Variants in LDAH observed in about 807,000 individuals in gnomAD.
The protein encoded by LDAH is lipid droplet-associated hydrolase.
LDAH carries 26 observed loss-of-function variants against 29.6 expected under a neutral mutation model. The ratio of observed to expected loss-of-function variants is 0.88; its 90% CI spans 0.64 to 1.22. The LOEUF is 1.22. Ranked by LOEUF, LDAH falls within the 50% of genes most tolerant of loss-of-function variation. The probability of loss-of-function intolerance (pLI) is 0.00; values close to 1 mark genes in which losing one functional copy is unlikely to be tolerated. For missense variants in LDAH, 344 were observed against 387.3 expected (o/e 0.89, Z 0.94); for synonymous variants, 117 against 133.0 (o/e 0.88, Z 0.83).
chr2:20,720,798 T>G (rs746048252), intron 5 of LDAH, among the ~76,000 whole-genome samples: 1 of 152,102 alleles, frequency 6.6e-6, no homozygotes, highest in Non-Finnish European at 1.5e-5. Context: ...CACAGACCAA[T>G]GGAATGTAAT....
chr2:20,764,605 C>A (rs998588120), intron 4 of LDAH, among the ~76,000 whole-genome samples: 78 of 152,346 alleles, frequency 5.1e-4, no homozygotes, highest in Admixed American at 1.5e-3. Flanking sequence ...GAACTCCTCC[C>A]AATGCATTCA....
chr2:20,764,842 T>C lies in LDAH; in HGVS notation c.468+9968A>G, dbSNP rs187584075. Among the ~76,000 whole-genome samples, 15 of 152,288 alleles carry C rather than the reference T, an allele frequency of 9.8e-5. No homozygotes were observed. The East Asian group carries it at 2.7e-3, about 27-fold the overall frequency. On this transcript the variant is annotated intron_variant, in intron 4 of 6. Coordinates refer to ENST00000237822, the MANE Select transcript of LDAH (RefSeq NM_021925.4). The stretch of plus-strand genomic sequence containing the variant: ...CTGCTACTTTCTACTAGTTGACATA[T>C]GGGTTGGACACATGGCTCCTTGGCA...
intron 4 of LDAH, among the ~76,000 whole-genome samples, chr2:20,741,625 C>G (rs1667181903): frequency 6.6e-6 from 1 of 152,170 alleles, no homozygotes; most frequent in African/African-American, 2.4e-5. Context: ...TCCTCATTCT[C>G]CCACTGCCCA....
At chr2:20,722,872 A>G (rs1665758709) in intron 5 of LDAH, among the ~76,000 whole-genome samples, 1 of 152,240 alleles carries the variant, frequency 6.6e-6, no homozygotes, top group African/African-American at 2.4e-5. Context: ...GAGCAAATGA[A>G]GCAACATAAA....
chr2:20,798,566 T>TTAATATAATA (rs754088907), intron 2 of LDAH, among the ~76,000 whole-genome samples: 46 of 148,294 alleles, frequency 3.1e-4, no homozygotes, highest in Admixed American at 2.6e-3. Flanking sequence ...TATAATATAA[T>TTAATATAATA]TAATATAATA....
chr2:20,728,537 T>A (rs1453463335), intron 5 of LDAH, among the ~76,000 whole-genome samples: 1 of 151,704 alleles, frequency 6.6e-6, no homozygotes, highest in Admixed American at 6.6e-5. Flanking sequence ...TGAGTGTTGC[T>A]CTCTCAGTTG....
At chr2:20,730,021 T>G (rs1666288704) in intron 5 of LDAH, among the ~76,000 whole-genome samples, 1 of 152,230 alleles carries the variant, frequency 6.6e-6, no homozygotes, top group African/African-American at 2.4e-5. Flanking sequence ...ATTTCTATAA[T>G]GTTATCACTT....
chr2:20,729,377 G>A (rs115207061), intron 5 of LDAH, among the ~76,000 whole-genome samples: 2,536 of 152,192 alleles, frequency 0.017, 73 homozygotes, highest in African/African-American at 0.058. Context: ...TAAATATACC[G>A]TTAAGAATAA....
At chr2:20,803,894 T>C (rs1304145880) in intron 1 of LDAH, among the ~76,000 whole-genome samples, 1 of 152,256 alleles carries the variant, frequency 6.6e-6, no homozygotes, top group African/African-American at 2.4e-5. Context: ...TTTTAGTTAC[T>C]ATGTGGCTTC....
At chr2:20,731,713 T>A (rs960355995) in intron 5 of LDAH, among the ~76,000 whole-genome samples, 2 of 152,204 alleles carry the variant, frequency 1.3e-5, no homozygotes, top group African/African-American at 4.8e-5. Context: ...CATTATATTT[T>A]AAATTTTGGT....
chr2:20,821,155 T>C (rs1359463334), intron 1 of LDAH, among the ~76,000 whole-genome samples: 2 of 152,340 alleles, frequency 1.3e-5, no homozygotes, highest in South Asian at 2.1e-4. Flanking sequence ...GGAACACTTT[T>C]ACACTGTTGG....
At chr2:20,784,373 C>T (rs1427243440) in intron 3 of LDAH, among the ~76,000 whole-genome samples, 1 of 152,138 alleles carries the variant, frequency 6.6e-6, no homozygotes, top group African/African-American at 2.4e-5. Context: ...CACCACTGCA[C>T]TCCAGCCTGG....
intron 3 of LDAH, among the ~76,000 whole-genome samples, chr2:20,779,243 A>G (rs1194836818): frequency 6.6e-6 from 1 of 152,144 alleles, no homozygotes; most frequent in Non-Finnish European, 1.5e-5. Flanking sequence ...TTTGATCAAG[A>G]TGAAAATACA....
At chr2:20,810,962 G>C (rs937740508) in intron 1 of LDAH, among the ~76,000 whole-genome samples, 5 of 151,604 alleles carry the variant, frequency 3.3e-5, no homozygotes, top group South Asian at 2.1e-4. Context: ...CCCACCATTT[G>C]TGGAAAAATT....
intron 5 of LDAH, among the ~76,000 whole-genome samples, chr2:20,710,563 C>G (rs906448255): frequency 1.4e-4 from 20 of 147,702 alleles, no homozygotes; most frequent in African/African-American, 4.7e-4. Context: ...ATATGACTCA[C>G]CCCGGACTAT....
intron 6 of LDAH, among the ~76,000 whole-genome samples, 172 bp downstream of exon 6, chr2:20,701,398 A>G (rs1663922432): frequency 6.6e-6 from 1 of 152,244 alleles, no homozygotes; most frequent in Non-Finnish European, 1.5e-5. Context: ...AATTAGCTTT[A>G]CTACTCTCTA....
chr2:20,776,493 T>C (rs1669836036), intron 3 of LDAH, among the ~76,000 whole-genome samples: 1 of 152,200 alleles, frequency 6.6e-6, no homozygotes, highest in Admixed American at 6.6e-5. Flanking sequence ...AAGCTTTTTC[T>C]TGACTCAATG....
intron 5 of LDAH, 59 bp from the exon 6 acceptor site, chr2:20,701,711 A>G: frequency 6.9e-7 from 1 of 1,455,682 alleles, no homozygotes; most frequent in South Asian, 1.1e-5. Flanking sequence ...CACAAATTTC[A>G]AATTAATTTT....
chr2:20,789,297 G>C, intron 3 of LDAH: 1 of 1,549,114 alleles, frequency 6.5e-7, no homozygotes, highest in Non-Finnish European at 8.7e-7. Flanking sequence ...TCCCAAGAGG[G>C]CTTGCCTCCT....
Sources: allele counts gnomAD v4.1 joint callset (sites outside exome capture counted in the v4.1 genomes callset), GRCh38; gene constraint gnomAD v4.1.1; transcripts MANE v1.5; gene names NCBI Gene and HGNC (gene_info 2026-07-23, HGNC 2026-07-21).